EEA1: variants seen among roughly 807,000 people sequenced by gnomAD.
EEA1 encodes early endosome antigen 1, also known as early endosome antigen 1, 162kD.
EEA1 carries 111 observed loss-of-function variants against 209.2 expected under a neutral mutation model. That is an observed-to-expected ratio of 0.53 (90% confidence interval 0.45 to 0.62). The LOEUF is 0.62. EEA1 is among the 20% of genes least tolerant of loss of function. EEA1 has a pLI of 0.00. For synonymous variants in EEA1, 536 were observed against 540.6 expected (o/e 0.99, Z 0.12); for missense variants, 1,343 against 1,530.8 (o/e 0.88, Z 2.05).
chr12:92,804,763 G>A (rs1177782928), intron 18 of EEA1, among the ~76,000 whole-genome samples: 1 of 152,036 alleles, frequency 6.6e-6, no homozygotes, highest in Non-Finnish European at 1.5e-5. Flanking sequence ...ATAAATGTAA[G>A]GGGGCCCTCA....
intron 2 of EEA1, among the ~76,000 whole-genome samples, chr12:92,888,910 G>C (rs564263048): frequency 7.2e-5 from 11 of 152,250 alleles, no homozygotes; most frequent in East Asian, 3.9e-4. Flanking sequence ...GGCACTTTGG[G>C]AGGCCAAGGC....
chr12:92,875,530 T>C (rs1292327834), intron 2 of EEA1, among the ~76,000 whole-genome samples: 1 of 152,128 alleles, frequency 6.6e-6, no homozygotes, highest in African/African-American at 2.4e-5. Flanking sequence ...CCTCTACTGT[T>C]ACCACTCTGC....
At chr12:92,873,538 T>C (rs1042721402) in intron 2 of EEA1, among the ~76,000 whole-genome samples, 5 of 152,202 alleles carry the variant, frequency 3.3e-5, no homozygotes, top group African/African-American at 7.2e-5. Context: ...ATCATTGACA[T>C]TGACAACATT....
In EEA1 at chr12:92,774,361, T is replaced by TA. The variant is rs1873565591; in HGVS notation, c.*1649_*1650insT. ...AAATAATTAAACAAATATGTAGTGA[T>TA]CTCTTTAGTTTACATACACTGTAGG... On this transcript the variant is annotated 3_prime_UTR_variant, in exon 29 of 29. Coordinates refer to ENST00000322349, the MANE Select transcript of EEA1 (RefSeq NM_003566.4). 6.6e-6 allele frequency: 1 copy of TA among 151,488 alleles called. No homozygotes were observed. Among genetic ancestry groups the TA allele is most frequent in the African/African-American group, 2.4e-5 (1 of 41,392 alleles). The allele number at this position is 151,488 out of a possible 1,614,324, so 9.4% of individuals were successfully genotyped here.
intron 21 of EEA1, among the ~76,000 whole-genome samples, chr12:92,790,063 C>A: frequency 6.6e-6 from 1 of 152,202 alleles, no homozygotes; most frequent in Non-Finnish European, 1.5e-5. Flanking sequence ...GGAAAACTAA[C>A]AAACAGAAAG....
At chr12:92,859,650 T>G (rs1388041171) in intron 3 of EEA1, among the ~76,000 whole-genome samples, 1 of 152,212 alleles carries the variant, frequency 6.6e-6, no homozygotes, top group Non-Finnish European at 1.5e-5. Context: ...GAAACAACAC[T>G]GTAGTAAATA....
intron 3 of EEA1, chr12:92,858,614 G>GCCCT (rs2136716550): frequency 1.4e-6 from 1 of 736,012 alleles, no homozygotes; most frequent in Admixed American, 1.8e-5. Context: ...CCTGGGTTAT[G>GCCCT]CCCTGATTCT....
At chr12:92,808,954 GAA>G in intron 18 of EEA1, 61 bp downstream of exon 18, 1 of 1,428,790 alleles carries the variant, frequency 7.0e-7, no homozygotes, top group South Asian at 1.5e-5. Context: ...AAATCTGAAG[GAA>G]ATTTTAATAC....
rs202198060 is a variant in EEA1 at position 92,831,493 on chromosome 12, TATATA to T, written c.1254+1014_1254+1018del. Reference sequence around the variant, plus strand: ...ATATAGGTAAATAATATATGAATTGTATATAATATATGATATGAATAATATATGAA... The same window carrying T: ...ATATAGGTAAATAATATATGAATTGTATATATGATATGAATAATATATGAA... On this transcript the variant is annotated intron_variant, in intron 11 of 28. Transcript: ENST00000322349. Among the ~76,000 whole-genome samples, 974 of 148,502 alleles carry T rather than the reference TATATA, an allele frequency of 6.6e-3. 21 individuals are homozygous for T. The highest frequency in any genetic ancestry group is 0.044 in the Admixed American group (649 of 14,800).
chr12:92,811,181 T>C (rs1875478042), intron 17 of EEA1, 98 bp downstream of exon 17: 2 of 871,700 alleles, frequency 2.3e-6, no homozygotes, highest in Non-Finnish European at 3.1e-6. Flanking sequence ...ACTTCACCTT[T>C]CTTTGTTAAC....
chr12:92,802,772 A>G, intron 18 of EEA1, 38 bp from the exon 19 acceptor site: 8 of 1,408,232 alleles, frequency 5.7e-6, no homozygotes, highest in Non-Finnish European at 7.6e-6. Context: ...AATAACACAT[A>G]ATTTACCACT....
intron 11 of EEA1, among the ~76,000 whole-genome samples, chr12:92,830,751 T>C (rs1007600219): frequency 6.6e-6 from 1 of 152,192 alleles, no homozygotes; most frequent in Non-Finnish European, 1.5e-5. Context: ...GTGCATGTCA[T>C]AACAAGGGAC....
At position 92,922,354 on chromosome 12, in the gene EEA1, C is replaced by T. The variant is rs144506318; in HGVS notation, c.24+6689G>A. Among the ~76,000 whole-genome samples, 529 of 152,302 alleles carry T rather than the reference C, an allele frequency of 3.5e-3. 5 individuals carry two copies. The highest frequency in any genetic ancestry group is 9.3e-3 in the Admixed American group (142 of 15,280). On this transcript the variant is annotated intron_variant, in intron 1 of 28. Transcript: ENST00000322349. ...CAATTCTATCCCTCTTATTGAAAATCAATTTATTCTTTCTCCATCCCCAAA... is the reference window on the plus strand; with the variant it reads ...CAATTCTATCCCTCTTATTGAAAATTAATTTATTCTTTCTCCATCCCCAAA...
chr12:92,869,436 T>A (rs1878534037), intron 2 of EEA1, among the ~76,000 whole-genome samples: 3 of 152,024 alleles, frequency 2.0e-5, no homozygotes, highest in Admixed American at 2.0e-4. Context: ...GTACCAAGTA[T>A]CCTTTTAGTT....
intron 1 of EEA1, among the ~76,000 whole-genome samples, chr12:92,914,453 C>T (rs539994984): frequency 5.3e-5 from 8 of 151,962 alleles, no homozygotes; most frequent in Non-Finnish European, 8.8e-5. Context: ...TTTGGTTATT[C>T]GCTCTCTTTT....
At chr12:92,793,141 A>T (rs57956876) in intron 21 of EEA1, among the ~76,000 whole-genome samples, 2,828 of 152,296 alleles carry the variant, frequency 0.019, 96 homozygotes, top group African/African-American at 0.063. Context: ...CAAAATAACA[A>T]GAACTACTTA....
At chr12:92,788,977 C>G (rs1172111787) in intron 21 of EEA1, among the ~76,000 whole-genome samples, 1 of 152,054 alleles carries the variant, frequency 6.6e-6, no homozygotes, top group Non-Finnish European at 1.5e-5. Flanking sequence ...CTCTTTTAAT[C>G]CATACACTCT....
chr12:92,777,567 C>T lies in EEA1; in HGVS notation c.3990G>A (p.Leu1330=). The change falls in exon 27 of 29, where the codon CTG becomes CTA. Residue 1330 remains leucine, a synonymous_variant. Transcript: ENST00000322349. ...LDNTTAAVQE[L]GRENQSLQIK... ...CCTGAAGTGATTGGTTTTCTCTGCC[C>T]AGCTCCTGCACTGCTGCAGTTGTAT... 3 of 1,611,806 alleles carry T rather than the reference C, an allele frequency of 1.9e-6. No homozygotes were observed. Among genetic ancestry groups the T allele is most frequent in the Non-Finnish European group, 2.5e-6 (3 of 1,178,498 alleles).
At chr12:92,911,592 A>G (rs916705980) in intron 1 of EEA1, among the ~76,000 whole-genome samples, 1 of 152,248 alleles carries the variant, frequency 6.6e-6, no homozygotes, top group Non-Finnish European at 1.5e-5. Context: ...AATCTACAGA[A>G]TGTACAACAC....
Sources: allele counts gnomAD v4.1 joint callset (sites outside exome capture counted in the v4.1 genomes callset), GRCh38; gene constraint gnomAD v4.1.1; transcripts MANE v1.5; gene names NCBI Gene and HGNC (gene_info 2026-07-23, HGNC 2026-07-21).